The following BRINP3 variants were observed in gnomAD, a reference collection of about 807,000 sequenced individuals.
The protein encoded by BRINP3 is BMP/retinoic acid-inducible neural-specific protein 3.
In BRINP3, 19 loss-of-function variants were observed where a neutral mutation model predicts 71.0. The observed-to-expected ratio is 0.27, with a 90% CI of 0.19 to 0.39. The LOEUF (loss-of-function observed/expected upper bound fraction) is 0.39, where lower values mean the gene tolerates loss of function less well. Among genes scored for constraint, BRINP3 ranks in the 10% least tolerant of loss-of-function variants. The probability of loss-of-function intolerance (pLI) is 1.00; values close to 1 mark genes in which losing one functional copy is unlikely to be tolerated. For missense variants in BRINP3, 959 were observed against 940.8 expected, an observed-to-expected ratio of 1.02 and a Z score of -0.25; for synonymous variants, 380 against 337.7, an observed-to-expected ratio of 1.13 and a Z score of -1.37.
intron 4 of BRINP3, among the ~76,000 whole-genome samples, chr1:190,263,177 T>C (rs1472169089): frequency 6.6e-6 from 1 of 152,218 alleles, no homozygotes; most frequent in Non-Finnish European, 1.5e-5. Flanking sequence ...ATCCTTGAAA[T>C]TGATTTCTGG....
At position 190,177,329 on chromosome 1, in the gene BRINP3, ATTTTTTT is replaced by A. The variant is rs11307442; in HGVS notation, c.962-16446_962-16440del. ...AGGCGCCCATTACCATGCCTGGATA[ATTTTTTT>A]TTTTTTTTTTTTTTTGTATTTTTAG... On this transcript the variant is annotated intron_variant, in intron 6 of 7. Coordinates refer to ENST00000367462, the MANE Select transcript of BRINP3 (RefSeq NM_199051.3). Among the ~76,000 whole-genome samples, 90 of 98,698 alleles carry A rather than the reference ATTTTTTT, an allele frequency of 9.1e-4. 1 individual carries two copies. The highest frequency in any genetic ancestry group is 3.0e-3 in the Admixed American group (26 of 8,724). 64.7% of individuals were successfully genotyped at this position (98,698 alleles called of 152,430 possible).
intron 2 of BRINP3, among the ~76,000 whole-genome samples, chr1:190,369,064 T>C (rs1326955021): frequency 2.6e-5 from 4 of 152,146 alleles, no homozygotes; most frequent in Admixed American, 2.6e-4. Flanking sequence ...TTACAGGAAC[T>C]ACAATTCAAA....
At chr1:190,195,462 T>C (rs1357485146) in intron 6 of BRINP3, among the ~76,000 whole-genome samples, 2 of 151,988 alleles carry the variant, frequency 1.3e-5, no homozygotes, top group Non-Finnish European at 2.9e-5. Context: ...TCTTAATAGG[T>C]ACCTTAATTT....
At chr1:190,187,651 T>C (rs904175848) in intron 6 of BRINP3, among the ~76,000 whole-genome samples, 10 of 152,194 alleles carry the variant, frequency 6.6e-5, no homozygotes, top group African/African-American at 2.4e-4. Context: ...CTCCATTGTA[T>C]GTTCCTGGCA....
At chr1:190,198,830 C>A (rs894110430) in intron 6 of BRINP3, among the ~76,000 whole-genome samples, 1 of 152,158 alleles carries the variant, frequency 6.6e-6, no homozygotes, top group African/African-American at 2.4e-5. Flanking sequence ...TTGATCCCTC[C>A]AAACTCTTCC....
chr1:190,340,636 C>T (rs918582537), intron 2 of BRINP3, among the ~76,000 whole-genome samples: 2 of 151,794 alleles, frequency 1.3e-5, no homozygotes, highest in Non-Finnish European at 2.9e-5. Context: ...ACTTCAGTGG[C>T]TATAATGAGT....
intron 3 of BRINP3, among the ~76,000 whole-genome samples, chr1:190,276,987 T>A (rs924814494): frequency 1.4e-5 from 2 of 147,862 alleles, no homozygotes; most frequent in Non-Finnish European, 3.0e-5. Flanking sequence ...CAAACTGAAC[T>A]TGCTTTTATG....
At position 190,161,899 on chromosome 1, in the gene BRINP3, T is replaced by C. The variant is rs538402137; in HGVS notation, c.962-1009A>G. Among the ~76,000 whole-genome samples the C allele has an allele frequency of 4.2e-3, 635 of 152,252 alleles. 2 individuals are homozygous for C. The highest frequency in any genetic ancestry group is 0.015 in the African/African-American group (607 of 41,550). ...TAAACCAGACACAAAAGGAAAAATA[T>C]ATTGTATGACTTCCCTTTAACGAAA... is the stretch of plus-strand genomic sequence containing the variant. On this transcript the variant is annotated intron_variant, in intron 6 of 7. Coordinates refer to ENST00000367462, the MANE Select transcript of BRINP3 (RefSeq NM_199051.3).
At chr1:190,219,424 A>G (rs1656680755) in intron 6 of BRINP3, among the ~76,000 whole-genome samples, 1 of 152,136 alleles carries the variant, frequency 6.6e-6, no homozygotes, top group Non-Finnish European at 1.5e-5. Context: ...ATAAAAAATC[A>G]AACAGAAATC....
intron 2 of BRINP3, among the ~76,000 whole-genome samples, chr1:190,448,598 G>A (rs1356791272): frequency 6.6e-6 from 1 of 151,124 alleles, no homozygotes; most frequent in East Asian, 1.9e-4. Context: ...ACTATTCATT[G>A]TATAGTGATA....
intron 3 of BRINP3, among the ~76,000 whole-genome samples, chr1:190,266,517 A>G (rs1239364111): frequency 6.6e-6 from 1 of 152,216 alleles, no homozygotes; most frequent in African/African-American, 2.4e-5. Context: ...GGGTCAAATC[A>G]TCAACAATAT....
intron 2 of BRINP3, among the ~76,000 whole-genome samples, chr1:190,308,909 G>C (rs1665318588): frequency 6.6e-6 from 1 of 151,858 alleles, no homozygotes; most frequent in Non-Finnish European, 1.5e-5. Flanking sequence ...ATTAAAAACA[G>C]AATTACCATA....
chr1:190,388,387 A>G (rs1671047402), intron 2 of BRINP3, among the ~76,000 whole-genome samples: 1 of 151,840 alleles, frequency 6.6e-6, no homozygotes. Context: ...ATGAAAATAG[A>G]GTATTTAGAA....
chr1:190,404,453 T>C (rs1468304958), intron 2 of BRINP3, among the ~76,000 whole-genome samples: 1 of 152,206 alleles, frequency 6.6e-6, no homozygotes, highest in African/African-American at 2.4e-5. Flanking sequence ...CTTGATGTTA[T>C]GCTCACGACG....
At chr1:190,117,807 G>A (rs1571746253) in intron 7 of BRINP3, among the ~76,000 whole-genome samples, 1 of 152,028 alleles carries the variant, frequency 6.6e-6, no homozygotes, top group East Asian at 1.9e-4. Flanking sequence ...GATTCAACAA[G>A]ATTCTGCTCA....
At chr1:190,417,661 T>C (rs1161593143) in intron 2 of BRINP3, among the ~76,000 whole-genome samples, 1 of 152,148 alleles carries the variant, frequency 6.6e-6, no homozygotes, top group Non-Finnish European at 1.5e-5. Context: ...ATCTCTAAAG[T>C]TAAAATAGAT....
At chr1:190,205,514 A>C (rs1231653724) in intron 6 of BRINP3, among the ~76,000 whole-genome samples, 1 of 152,066 alleles carries the variant, frequency 6.6e-6, no homozygotes, top group Non-Finnish European at 1.5e-5. Flanking sequence ...AGTTGGGCAA[A>C]AGGTGCATTA....
At chr1:190,118,417 GACTT>G (rs1332888986) in intron 7 of BRINP3, among the ~76,000 whole-genome samples, 4 of 151,940 alleles carry the variant, frequency 2.6e-5, no homozygotes, top group Non-Finnish European at 2.9e-5. Context: ...GTTTCATAAG[GACTT>G]ACTTTTACCA....
intron 2 of BRINP3, among the ~76,000 whole-genome samples, chr1:190,313,048 T>C (rs577223674): frequency 6.6e-6 from 1 of 152,048 alleles, no homozygotes; most frequent in African/African-American, 2.4e-5. Context: ...AAATTACTTT[T>C]AACCAATACA....
Sources: gnomAD v4.1 joint callset for allele counts (sites outside exome capture counted in the v4.1 genomes callset) on GRCh38, gnomAD v4.1.1 for gene constraint, MANE v1.5 for transcripts, NCBI Gene and HGNC (gene_info 2026-07-23, HGNC 2026-07-21) for gene names.